The following SAMD5 variants were observed in gnomAD, a reference collection of about 807,000 sequenced individuals.
The protein encoded by SAMD5 is sterile alpha motif domain-containing protein 5.
Under a neutral mutation model 11.3 loss-of-function variants are expected in SAMD5, and 13 were observed. The observed-to-expected ratio is 1.15, with a 90% CI of 0.75 to 1.83. The LOEUF is 1.83. Ranked by LOEUF, SAMD5 falls within the 40% of genes most tolerant of loss-of-function variation. The pLI is 0.00. For synonymous variants in SAMD5, 129 were observed against 111.3 expected, an observed-to-expected ratio of 1.16 and a Z score of -1.00; for missense variants, 255 against 239.1, an observed-to-expected ratio of 1.07 and a Z score of -0.44.
At chr6:147,729,513 C>A (rs1334027139) in intron 1 of SAMD5, among the ~76,000 whole-genome samples, 3 of 152,206 alleles carry the variant, frequency 2.0e-5, no homozygotes, top group African/African-American at 7.2e-5. Flanking sequence ...AAATTTCTCT[C>A]TTTATGAATC....
At chr6:147,795,390 T>C in the SAMD5 span, among the ~76,000 whole-genome samples, 281 of 141,038 alleles carry the variant, frequency 2.0e-3, no homozygotes, top group Non-Finnish European at 3.4e-3. Context: ...ACAAAGGACA[T>C]GAACTCATCA....
the SAMD5 span, among the ~76,000 whole-genome samples, chr6:147,932,721 A>G: frequency 2.0e-5 from 3 of 151,596 alleles, no homozygotes; most frequent in African/African-American, 7.3e-5. Context: ...TGAACTTACA[A>G]ATGGCTGGGT....
chr6:147,561,292 A>T (rs1367501514), intron 1 of SAMD5, among the ~76,000 whole-genome samples: 1 of 152,166 alleles, frequency 6.6e-6, no homozygotes, highest in Non-Finnish European at 1.5e-5. Flanking sequence ...GATTCAAGCC[A>T]TTCTCCTGCC....
chr6:147,525,317 T>C (rs1004918771), intron 1 of SAMD5, among the ~76,000 whole-genome samples: 2 of 143,776 alleles, frequency 1.4e-5, no homozygotes, highest in African/African-American at 5.2e-5. Flanking sequence ...GGGAGGAAGA[T>C]TTTCATGGAG....
At chr6:147,839,173 CAT>C in the SAMD5 span, among the ~76,000 whole-genome samples, 14 of 152,210 alleles carry the variant, frequency 9.2e-5, no homozygotes, top group Admixed American at 8.5e-4. Context: ...CAAATTCTCA[CAT>C]GTGTGCCCCT....
chr6:147,735,068 T>A (rs1024608868), intron 1 of SAMD5, among the ~76,000 whole-genome samples: 4 of 152,230 alleles, frequency 2.6e-5, no homozygotes, highest in African/African-American at 9.6e-5. Context: ...AGGAGTAATG[T>A]ACAATAAAAG....
At chr6:147,661,528 A>G (rs1372804954) in intron 1 of SAMD5, among the ~76,000 whole-genome samples, 1 of 152,234 alleles carries the variant, frequency 6.6e-6, no homozygotes, top group Non-Finnish European at 1.5e-5. Context: ...CCCATCGTTT[A>G]GGAAACTGAC....
chr6:147,570,027 G>A (rs529882207), downstream of SAMD5: 29 of 984,292 alleles, frequency 2.9e-5, 1 homozygote, highest in East Asian at 1.9e-3. Context: ...CAGCGGTTCC[G>A]CCTTGGCCTC....
chr6:147,509,431 G>A lies in SAMD5; in HGVS notation c.459+44G>A, dbSNP rs1230844769. 7 of 1,482,292 alleles carry A rather than the reference G, an allele frequency of 4.7e-6. 1 individual carries two copies. Among genetic ancestry groups the A allele is most frequent in the South Asian group, 1.3e-5 (1 of 77,094 alleles). 91.8% of individuals were successfully genotyped at this position (1,482,292 alleles called of 1,614,324 possible). A position where few individuals can be genotyped will look rare whatever the true frequency, so the allele number is the denominator to read the frequency against. On this transcript the variant is annotated intron_variant, in intron 1 of 1. Coordinates refer to ENST00000367474, the MANE Select transcript of SAMD5 (RefSeq NM_001030060.3). Reference sequence around the variant, plus strand: ...GGCGGCCCGGGGCGCGCGGCGGGAGGGGACACAGCCCAGCTGCCTGTGCCA... The same window carrying A: ...GGCGGCCCGGGGCGCGCGGCGGGAGAGGACACAGCCCAGCTGCCTGTGCCA...
At chr6:147,807,477 G>C in the SAMD5 span, among the ~76,000 whole-genome samples, 1 of 152,066 alleles carries the variant, frequency 6.6e-6, no homozygotes, top group African/African-American at 2.4e-5. Flanking sequence ...ATACAGAGAG[G>C]AACTTTAAAA....
At chr6:147,790,760 C>CTT in the SAMD5 span, among the ~76,000 whole-genome samples, 1 of 84,942 alleles carries the variant, frequency 1.2e-5, no homozygotes, top group African/African-American at 6.3e-5. Context: ...CTCTCTTTCT[C>CTT]TCTCTCTCTT....
chr6:147,581,529 CT>C (rs1789297710), intron 1 of SAMD5, among the ~76,000 whole-genome samples: 1 of 152,078 alleles, frequency 6.6e-6, no homozygotes, highest in South Asian at 2.1e-4. Flanking sequence ...CAGGAAGGAG[CT>C]TTGAACCAAG....
intron 1 of SAMD5, among the ~76,000 whole-genome samples, chr6:147,606,955 G>A (rs1789710512): frequency 1.1e-5 from 1 of 91,512 alleles, no homozygotes. Context: ...ATCTGTAGCA[G>A]CTTTATCCAA....
At chr6:147,741,113 G>T (rs1047012574), downstream of SAMD5, among the ~76,000 whole-genome samples, 1 of 152,132 alleles carries the variant, frequency 6.6e-6, no homozygotes, top group Non-Finnish European at 1.5e-5. Flanking sequence ...ATCATGGGTT[G>T]GGTCAAAGTC....
chr6:147,609,991 T>G (rs1295245303), intron 1 of SAMD5, among the ~76,000 whole-genome samples: 3 of 152,322 alleles, frequency 2.0e-5, no homozygotes, highest in Middle Eastern at 3.4e-3. Context: ...TGTTGTCTCT[T>G]TTGTTGTTTT....
At chr6:147,826,264 T>A in the SAMD5 span, among the ~76,000 whole-genome samples, 1 of 152,232 alleles carries the variant, frequency 6.6e-6, no homozygotes, top group East Asian at 1.9e-4. Context: ...TCACAATGCA[T>A]TGGATTAGGA....
At chr6:147,649,118 T>C (rs1307698104) in intron 1 of SAMD5, among the ~76,000 whole-genome samples, 1 of 152,214 alleles carries the variant, frequency 6.6e-6, no homozygotes, top group African/African-American at 2.4e-5. Context: ...GCATTTATTC[T>C]TCTCACCAGC....
At chr6:147,748,008 T>C in the SAMD5 span, among the ~76,000 whole-genome samples, 1 of 152,194 alleles carries the variant, frequency 6.6e-6, no homozygotes, top group Non-Finnish European at 1.5e-5. Flanking sequence ...TTAGTCACAG[T>C]AGACAAGTTG....
chr6:147,545,828 A>G (rs1788677333), intron 1 of SAMD5, among the ~76,000 whole-genome samples: 13 of 152,202 alleles, frequency 8.5e-5, no homozygotes, highest in Admixed American at 8.5e-4. Context: ...GAAATCATCT[A>G]ATATAAACAT....
Sources: allele counts gnomAD v4.1 joint callset (sites outside exome capture counted in the v4.1 genomes callset), GRCh38; gene constraint gnomAD v4.1.1; transcripts MANE v1.5; gene names NCBI Gene and HGNC (gene_info 2026-07-23, HGNC 2026-07-21).